ABLIM1: variants seen among roughly 807,000 people sequenced by gnomAD.
ABLIM1 encodes actin binding LIM protein 1.
Under a neutral mutation model 107.0 loss-of-function variants are expected in ABLIM1, and 40 were observed. That is an observed-to-expected ratio of 0.37 (90% CI 0.29 to 0.49). The LOEUF (loss-of-function observed/expected upper bound fraction) is 0.49. Ranked by LOEUF, ABLIM1 falls within the 20% of genes least tolerant of loss-of-function variation. The pLI, the probability that ABLIM1 is intolerant of heterozygous loss-of-function variation, is 0.97. For synonymous variants in ABLIM1, 357 were observed against 357.3 expected, an observed-to-expected ratio of 1.00 and a Z score of 0.01; for missense variants, 857 against 1,008.5, an observed-to-expected ratio of 0.85 and a Z score of 2.04.
intron 15 of ABLIM1, among the ~76,000 whole-genome samples, chr10:114,447,314 T>C (rs759697373): frequency 1.3e-5 from 2 of 152,240 alleles, no homozygotes; most frequent in South Asian, 2.1e-4. Flanking sequence ...TAAAATCACA[T>C]AACTTCACAG....
intron 8 of ABLIM1, among the ~76,000 whole-genome samples, chr10:114,475,437 C>T (rs936532712): frequency 1.3e-5 from 2 of 152,098 alleles, no homozygotes; most frequent in Middle Eastern, 3.2e-3. Flanking sequence ...TTCCTTGCAT[C>T]GTGTCTGTCT....
intron 7 of ABLIM1, among the ~76,000 whole-genome samples, chr10:114,490,763 A>G (rs2058802558): frequency 6.6e-6 from 1 of 151,488 alleles, no homozygotes; most frequent in Non-Finnish European, 1.5e-5. Context: ...TCAGTTTCAT[A>G]AAAACTATGA....
At chr10:114,745,840 T>TA (rs371449246) in intron 1 of ABLIM1, among the ~76,000 whole-genome samples, 10 of 150,248 alleles carry the variant, frequency 6.7e-5, no homozygotes, top group African/African-American at 2.2e-4. Context: ...AGACTGTGTC[T>TA]AAAAAAAAAA....
Position 114,631,765 on chromosome 10 carries a change from AC to A in ABLIM1, c.244+26191del, listed in dbSNP as rs1417552437. The stretch of plus-strand genomic sequence containing the variant: ...AAGTCTGGGTTCGATGGAAACCCAG[AC>A]TTCACAATACGGAGCTTCTCACACC... On this transcript the variant is annotated intron_variant, in intron 1 of 22. Coordinates refer to ENST00000533213, the MANE Select transcript of ABLIM1 (RefSeq NM_002313.7). The A allele has an allele frequency of 5.7e-6, 5 of 883,790 alleles. No homozygotes were observed. In the African/African-American group the frequency reaches 9.2e-5, roughly 16 times the overall value. 54.7% of individuals were successfully genotyped at this position (883,790 alleles called of 1,614,324 possible). A position where few individuals can be genotyped will look rare whatever the true frequency, so the allele number is the denominator to read the frequency against.
At chr10:114,519,730 G>A (rs1006425572) in intron 6 of ABLIM1, among the ~76,000 whole-genome samples, 6 of 152,142 alleles carry the variant, frequency 3.9e-5, no homozygotes, top group Admixed American at 3.9e-4. Context: ...ACACATCAGG[G>A]TTCGCCCACA....
the ABLIM1 span, among the ~76,000 whole-genome samples, chr10:114,784,144 T>C: frequency 6.6e-6 from 1 of 151,184 alleles, no homozygotes; most frequent in South Asian, 2.1e-4. Context: ...TCAGGAGTTC[T>C]AGACAAGCCT....
intron 1 of ABLIM1, among the ~76,000 whole-genome samples, chr10:114,634,977 A>G (rs777859913): frequency 6.6e-5 from 10 of 152,274 alleles, no homozygotes; most frequent in Non-Finnish European, 1.2e-4. Flanking sequence ...TTTCTACTTT[A>G]CAGCTAAAGC....
At chr10:114,516,724 T>C (rs554527626) in intron 6 of ABLIM1, among the ~76,000 whole-genome samples, 3 of 152,330 alleles carry the variant, frequency 2.0e-5, no homozygotes, top group Non-Finnish European at 4.4e-5. Context: ...CTGGATTCAG[T>C]CAACCTTGGA....
At chr10:114,590,711 G>A (rs1374400186) in intron 2 of ABLIM1, among the ~76,000 whole-genome samples, 1 of 152,096 alleles carries the variant, frequency 6.6e-6, no homozygotes, top group Non-Finnish European at 1.5e-5. Context: ...CCTTGCCCAG[G>A]CTTTTCATGG....
chr10:114,579,352 G>A (rs1296454414), intron 2 of ABLIM1, among the ~76,000 whole-genome samples: 9 of 152,116 alleles, frequency 5.9e-5, no homozygotes, highest in Admixed American at 4.6e-4. Flanking sequence ...AGCCCTCTAC[G>A]TTGCAGACAT....
chr10:114,602,882 A>G (rs2076129007), intron 1 of ABLIM1, among the ~76,000 whole-genome samples: 1 of 152,178 alleles, frequency 6.6e-6, no homozygotes, highest in Non-Finnish European at 1.5e-5. Context: ...CCCTTTACAA[A>G]GGCCCAGAGA....
chr10:114,595,632 C>G (rs1219552437), intron 2 of ABLIM1, among the ~76,000 whole-genome samples: 2 of 152,206 alleles, frequency 1.3e-5, no homozygotes, highest in Non-Finnish European at 1.5e-5. Context: ...TCTACTCCCA[C>G]TGGGTTATTA....
rs755259210 is a variant in ABLIM1 at position 114,483,969 on chromosome 10, C to T, written c.1041+3989G>A. Among the ~76,000 whole-genome samples, 2 of 152,210 alleles carry T rather than the reference C, an allele frequency of 1.3e-5. 1 individual carries two copies. Among genetic ancestry groups the T allele is most frequent in the African/African-American group, 4.8e-5 (2 of 41,452 alleles). ...CCAGCCTGGCTGTTCCTCTGCCGGG[C>T]TGGTTGAGTCCTCTCCCTTCCCCTG... is the stretch of plus-strand genomic sequence containing the variant. On this transcript the variant is annotated intron_variant, in intron 8 of 22. Coordinates refer to ENST00000533213, the MANE Select transcript of ABLIM1 (RefSeq NM_002313.7).
chr10:114,519,903 C>T (rs2063480343), intron 6 of ABLIM1, among the ~76,000 whole-genome samples: 1 of 152,246 alleles, frequency 6.6e-6, no homozygotes, highest in Non-Finnish European at 1.5e-5. Flanking sequence ...TACCCCCAAA[C>T]CTGGGTGAAA....
intron 6 of ABLIM1, among the ~76,000 whole-genome samples, chr10:114,535,736 C>G (rs2065930976): frequency 6.6e-6 from 1 of 152,146 alleles, no homozygotes; most frequent in Admixed American, 6.5e-5. Context: ...ACAATTCACC[C>G]TTTTAAAGTA....
At chr10:114,665,785 C>T (rs1012311333) in intron 1 of ABLIM1, among the ~76,000 whole-genome samples, 1 of 152,134 alleles carries the variant, frequency 6.6e-6, no homozygotes, top group African/African-American at 2.4e-5. Context: ...GAGATGGAGC[C>T]CCCACATCTC....
At chr10:114,748,873 A>G (rs1269581162) in intron 1 of ABLIM1, among the ~76,000 whole-genome samples, 1 of 151,812 alleles carries the variant, frequency 6.6e-6, no homozygotes, top group Non-Finnish European at 1.5e-5. Context: ...CTATGTTGCT[A>G]TGTTGCCCAG....
At chr10:114,557,875 A>G (rs2069004721) in intron 4 of ABLIM1, among the ~76,000 whole-genome samples, 1 of 151,018 alleles carries the variant, frequency 6.6e-6, no homozygotes, top group African/African-American at 2.4e-5. Context: ...GAAACTCACT[A>G]GATCACCCAT....
chr10:114,619,472 C>T lies in ABLIM1; in HGVS notation c.245-17511G>A, dbSNP rs1185522365. Among the ~76,000 whole-genome samples the T allele has an allele frequency of 1.3e-5, 2 of 152,200 alleles. No homozygotes were observed. The highest frequency in any genetic ancestry group is 2.4e-5 in the African/African-American group (1 of 41,450). ...TTGGCCTCCCAAAGTGCTAGGATTACAGGCGTGAGCCACTGTGCCTGGCTG... is the reference window on the plus strand; with the variant it reads ...TTGGCCTCCCAAAGTGCTAGGATTATAGGCGTGAGCCACTGTGCCTGGCTG... On this transcript the variant is annotated intron_variant, in intron 1 of 22. Transcript: ENST00000533213. This position sits in a 1 kb window ranked among gnomAD's most constrained non-coding sequence, Gnocchi z 4.1.
Sources: allele counts gnomAD v4.1 joint callset (sites outside exome capture counted in the v4.1 genomes callset), GRCh38; gene constraint gnomAD v4.1.1; non-coding constraint Gnocchi (gnomAD v3.1); transcripts MANE v1.5; gene names NCBI Gene and HGNC (gene_info 2026-07-23, HGNC 2026-07-21).